The following CNTN4 variants were observed in gnomAD, a reference collection of about 807,000 sequenced individuals.
The protein encoded by CNTN4 is contactin 4.
CNTN4 carries 77 observed loss-of-function variants against 122.5 expected under a neutral mutation model. The ratio of observed to expected loss-of-function variants is 0.63; its 90% CI spans 0.52 to 0.76. CNTN4 has a LOEUF of 0.76. Among genes scored for constraint, CNTN4 ranks in the 30% least tolerant of loss-of-function variants. The probability of loss-of-function intolerance (pLI) is 0.00; values close to 1 mark genes in which losing one functional copy is unlikely to be tolerated. For missense variants in CNTN4, 1,256 were observed against 1,259.1 expected, an observed-to-expected ratio of 1.00 and a Z score of 0.04; for synonymous variants, 512 against 447.0, an observed-to-expected ratio of 1.15 and a Z score of -1.83.
chr3:2,398,529 A>AG (rs2150946787), intron 3 of CNTN4, among the ~76,000 whole-genome samples: 1 of 152,216 alleles, frequency 6.6e-6, no homozygotes, highest in African/African-American at 2.4e-5. Context: ...ATTGCCATTG[A>AG]GGGGAAAAAG....
chr3:2,347,092 T>C (rs2044423869), intron 3 of CNTN4, among the ~76,000 whole-genome samples: 1 of 152,162 alleles, frequency 6.6e-6, no homozygotes, highest in African/African-American at 2.4e-5. Flanking sequence ...TTCATCAGTG[T>C]CTATTCTGCT....
At chr3:2,877,594 T>C (rs569190853) in intron 8 of CNTN4, among the ~76,000 whole-genome samples, 2 of 152,312 alleles carry the variant, frequency 1.3e-5, no homozygotes, top group Admixed American at 6.5e-5. Flanking sequence ...AAATTATATG[T>C]GTTCCTTACT....
intron 2 of CNTN4, among the ~76,000 whole-genome samples, chr3:2,269,154 C>T (rs1033881700): frequency 6.6e-6 from 1 of 152,000 alleles, no homozygotes; most frequent in Non-Finnish European, 1.5e-5. Context: ...AAAGGTGTAC[C>T]CTTCAAAGGA....
rs558488044 is a variant in CNTN4, at chr3:3,001,573, G to C, written c.1486+13101G>C. Among the ~76,000 whole-genome samples, 11 of 152,104 alleles carry C rather than the reference G, an allele frequency of 7.2e-5. No homozygotes were observed. In the East Asian group the frequency reaches 2.1e-3, roughly 29 times the overall value. On this transcript the variant is annotated intron_variant, in intron 14 of 24. Coordinates refer to ENST00000418658, the MANE Select transcript of CNTN4 (RefSeq NM_175607.3). The stretch of plus-strand genomic sequence containing the variant: ...TAAATTAGAATGCCTTTAGACAGGG[G>C]GCATGTATTCTCTAAACTGACCCCA...
intron 15 of CNTN4, among the ~76,000 whole-genome samples, chr3:3,026,987 T>A (rs974928035): frequency 2.0e-5 from 3 of 152,142 alleles, no homozygotes; most frequent in Non-Finnish European, 4.4e-5. Context: ...CGGCTGCCAT[T>A]TTTATGATGG....
intron 12 of CNTN4, among the ~76,000 whole-genome samples, chr3:2,923,415 T>C (rs1379896463): frequency 3.3e-5 from 5 of 152,162 alleles, no homozygotes; most frequent in Non-Finnish European, 7.3e-5. Context: ...GATTGGTAAG[T>C]AGGGGAATGA....
chr3:2,317,800 C>T (rs1356381466), intron 2 of CNTN4, among the ~76,000 whole-genome samples: 1 of 152,152 alleles, frequency 6.6e-6, no homozygotes, highest in Non-Finnish European at 1.5e-5. Context: ...TTTAAAACGA[C>T]TGATGTGCTA....
rs548897695 is a variant in CNTN4, at chr3:2,197,526, C to T, written c.-145+96887C>T. On this transcript the variant is annotated intron_variant, in intron 2 of 24. Transcript: ENST00000418658. ...CTGTGGGGATAGGAGTTGCTTTTTT[C>T]ATTTTATAAATGGGAAGATGGAGAC... 4.6e-5 allele frequency among the ~76,000 whole-genome samples: 7 copies of T among 151,848 alleles called. No individual in the cohort carries two copies. In the South Asian group the frequency reaches 6.3e-4, roughly 14 times the overall value.
intron 7 of CNTN4, among the ~76,000 whole-genome samples, chr3:2,833,497 G>A (rs1295663228): frequency 6.6e-6 from 1 of 152,064 alleles, no homozygotes; most frequent in Non-Finnish European, 1.5e-5. Flanking sequence ...TGTATGTATT[G>A]TTTTATTGTT....
intron 2 of CNTN4, among the ~76,000 whole-genome samples, chr3:2,189,479 T>C (rs959620227): frequency 5.9e-5 from 9 of 152,142 alleles, no homozygotes; most frequent in Non-Finnish European, 1.2e-4. Flanking sequence ...AGTGCTGGAA[T>C]AGAGAGGGTC....
chr3:2,869,936 A>G (rs960003208), intron 8 of CNTN4, among the ~76,000 whole-genome samples: 4 of 152,226 alleles, frequency 2.6e-5, no homozygotes, highest in African/African-American at 9.6e-5. Context: ...CTCCAGTGGC[A>G]TTTTGTAAGA....
chr3:2,555,132 C>T (rs13085006), intron 3 of CNTN4, among the ~76,000 whole-genome samples: 10,982 of 152,246 alleles, frequency 0.072, 535 homozygotes, highest in Non-Finnish European at 0.1. Flanking sequence ...ATTTGGATAT[C>T]TATATAGATT....
At chr3:2,202,608 T>G (rs2038150374) in intron 2 of CNTN4, among the ~76,000 whole-genome samples, 1 of 152,132 alleles carries the variant, frequency 6.6e-6, no homozygotes, top group South Asian at 2.1e-4. Flanking sequence ...ATTCATTCCC[T>G]TCACTTTGCA....
At chr3:2,383,655 TCCC>T (rs543844813) in intron 3 of CNTN4, among the ~76,000 whole-genome samples, 97 of 143,588 alleles carry the variant, frequency 6.8e-4, no homozygotes, top group African/African-American at 2.4e-3. Context: ...CACTCTCTCT[TCCC>T]CCATTTCCCT....
rs945319960 is a variant in CNTN4, at chr3:2,883,198, C to G, written c.706C>G (p.Pro236Ala). 1 of 1,613,682 alleles carries G rather than the reference C, an allele frequency of 6.2e-7. No individual in the cohort carries two copies. The highest frequency in any genetic ancestry group is 1.3e-5 in the African/African-American group (1 of 74,900). The change falls in exon 9 of 25, where the codon CCG becomes GCG. Residue 236 changes from proline to alanine, a missense_variant. Transcript: ENST00000418658. ...AGAAGTGCAGTTCCCAGAAACAGTT[C>G]CGACTGCAAAAGGAGCAACGGTGAA... ...KIEVQFPETV[P>A]TAKGATVKLE...
chr3:3,003,684 CAAAAA>C (rs58290160), intron 14 of CNTN4, among the ~76,000 whole-genome samples: 3,669 of 77,166 alleles, frequency 0.048, 203 homozygotes, highest in African/African-American at 0.14. Flanking sequence ...ATGGTTGCAC[CAAAAA>C]AAAAAAAAAA....
chr3:2,575,814 T>C (rs1434249890), intron 4 of CNTN4, among the ~76,000 whole-genome samples: 1 of 3,648 alleles, frequency 2.7e-4, no homozygotes, highest in African/African-American at 5.3e-4. Flanking sequence ...TTCTTCTTTT[T>C]TTTTTTTTTT....
At chr3:2,802,771 C>G (rs1371929283) in intron 6 of CNTN4, among the ~76,000 whole-genome samples, 1 of 152,064 alleles carries the variant, frequency 6.6e-6, no homozygotes, top group African/African-American at 2.4e-5. Flanking sequence ...ACTGTAGACA[C>G]CCGGCAGTAT....
At chr3:2,746,238 T>G (rs2089765215) in intron 6 of CNTN4, among the ~76,000 whole-genome samples, 1 of 152,114 alleles carries the variant, frequency 6.6e-6, no homozygotes, top group Admixed American at 6.5e-5. Context: ...ATCCTACAAT[T>G]CTCTAATTGT....
Sources: gnomAD v4.1 joint callset for allele counts (sites outside exome capture counted in the v4.1 genomes callset) on GRCh38, gnomAD v4.1.1 for gene constraint, MANE v1.5 for transcripts, NCBI Gene and HGNC (gene_info 2026-07-23, HGNC 2026-07-21) for gene names.